Variants in CSMD1 observed in about 807,000 individuals in gnomAD.
CSMD1 encodes CUB and Sushi multiple domains 1, also known as CUB and sushi domain-containing protein 1.
A neutral mutation model predicts 417.5 loss-of-function variants in CSMD1; 213 were observed. That is an observed-to-expected ratio of 0.51 (90% CI 0.46 to 0.57). CSMD1 has a LOEUF of 0.57. Ranked by LOEUF, CSMD1 falls within the 20% of genes least tolerant of loss-of-function variation. CSMD1 has a pLI of 0.00. For missense variants in CSMD1, 6,923 were observed against 4,529.7 expected (o/e 1.53, Z -15.17); for synonymous variants, 2,862 against 1,736.8 (o/e 1.65, Z -16.11).
intron 2 of CSMD1, among the ~76,000 whole-genome samples, chr8:4,513,112 C>G (rs1376269158): frequency 6.6e-6 from 1 of 152,164 alleles, no homozygotes; most frequent in Non-Finnish European, 1.5e-5. Flanking sequence ...ATAAAATTGA[C>G]AACAGCAAGA....
chr8:3,590,769 C>G (rs1253806809), intron 8 of CSMD1, among the ~76,000 whole-genome samples: 1 of 152,150 alleles, frequency 6.6e-6, no homozygotes, highest in African/African-American at 2.4e-5. Context: ...GAGGAGGAGA[C>G]TCCACGTGGG....
intron 1 of CSMD1, among the ~76,000 whole-genome samples, chr8:4,988,400 T>C (rs1363660974): frequency 6.6e-6 from 1 of 152,224 alleles, no homozygotes; most frequent in Non-Finnish European, 1.5e-5. Flanking sequence ...ACCAGTAAAT[T>C]GCAAAATGTA....
intron 23 of CSMD1, among the ~76,000 whole-genome samples, chr8:3,326,243 G>C (rs985351675): frequency 6.6e-6 from 1 of 152,230 alleles, no homozygotes; most frequent in Non-Finnish European, 1.5e-5. Flanking sequence ...TAAACTGTAA[G>C]AGACTGGAAT....
At chr8:3,323,506 A>G (rs929725946) in intron 23 of CSMD1, among the ~76,000 whole-genome samples, 16 of 152,154 alleles carry the variant, frequency 1.1e-4, no homozygotes, top group Non-Finnish European at 1.9e-4. Context: ...CATTTTTAGA[A>G]GGAGTTAAAA....
At chr8:3,813,754 G>C (rs1278969339) in intron 5 of CSMD1, among the ~76,000 whole-genome samples, 1 of 152,128 alleles carries the variant, frequency 6.6e-6, no homozygotes, top group African/African-American at 2.4e-5. Context: ...AGGTATGAGG[G>C]ATCAAGAAGC....
At chr8:2,970,373 T>C (rs151291447) in intron 57 of CSMD1, among the ~76,000 whole-genome samples, 1,665 of 152,326 alleles carry the variant, frequency 0.011, 13 homozygotes, top group Non-Finnish European at 0.018. Context: ...ATAGAATATT[T>C]CATATTCCAC....
chr8:3,581,691 G>C (rs1322880302), intron 9 of CSMD1, among the ~76,000 whole-genome samples: 2 of 152,282 alleles, frequency 1.3e-5, no homozygotes, highest in East Asian at 3.9e-4. Flanking sequence ...GCATTTTATT[G>C]CATTTCATAG....
intron 41 of CSMD1, among the ~76,000 whole-genome samples, chr8:3,132,977 C>T (rs1817875349): frequency 6.6e-6 from 1 of 152,202 alleles, no homozygotes; most frequent in Non-Finnish European, 1.5e-5. Flanking sequence ...GGTGCCGCTC[C>T]GTTCACCTGG....
At position 4,169,141 on chromosome 8, in the gene CSMD1, C is replaced by CCCAG. The variant is rs1372375146; in HGVS notation, c.416-137046_416-137043dup. Among the ~76,000 whole-genome samples, 3 of 152,252 alleles carry CCCAG rather than the reference C, an allele frequency of 2.0e-5. No individual in the cohort carries two copies. The East Asian group carries it at 5.8e-4, about 29-fold the overall frequency. On this transcript the variant is annotated intron_variant, in intron 3 of 69. Transcript: ENST00000635120. Reference sequence around the variant, plus strand: ...CCCTGTAAGCTCACTGGTGGTGATGCCCAGCTTAATGGTGTAAACACCGTC... The same window carrying CCCAG: ...CCCTGTAAGCTCACTGGTGGTGATGCCCAGCCAGCTTAATGGTGTAAACACCGTC...
chr8:4,445,770 T>C (rs149984016), intron 2 of CSMD1, among the ~76,000 whole-genome samples: 126 of 152,278 alleles, frequency 8.3e-4, no homozygotes, highest in African/African-American at 2.9e-3. Context: ...GAATCTACAC[T>C]AAGAAATCAC....
intron 3 of CSMD1, among the ~76,000 whole-genome samples, chr8:4,208,910 A>G (rs993306641): frequency 2.0e-5 from 3 of 152,176 alleles, no homozygotes; most frequent in African/African-American, 4.8e-5. Context: ...CTTTTTATAT[A>G]TGCCCTGTAG....
At chr8:4,483,420 T>C (rs1801209739) in intron 2 of CSMD1, among the ~76,000 whole-genome samples, 2 of 152,326 alleles carry the variant, frequency 1.3e-5, no homozygotes, top group East Asian at 3.9e-4. Flanking sequence ...CATCTAAAGA[T>C]AAAAACAAGT....
intron 10 of CSMD1, among the ~76,000 whole-genome samples, chr8:3,536,108 T>C (rs1008371338): frequency 1.3e-5 from 2 of 152,238 alleles, no homozygotes; most frequent in African/African-American, 4.8e-5. Flanking sequence ...ATATTATCAT[T>C]GTTTTTATGA....
chr8:3,493,549 G>C (rs1796226996), intron 11 of CSMD1, 74 bp downstream of exon 11: 1 of 1,263,460 alleles, frequency 7.9e-7, no homozygotes, highest in Non-Finnish European at 1.1e-6. Flanking sequence ...CAAGCCTGTA[G>C]CAGAATCTCA....
At chr8:3,347,588 T>C (rs946316420) in intron 22 of CSMD1, among the ~76,000 whole-genome samples, 5 of 152,206 alleles carry the variant, frequency 3.3e-5, no homozygotes, top group African/African-American at 1.2e-4. Context: ...TTGGGGATCC[T>C]GCAACTTTTA....
chr8:4,929,275 C>T (rs1003004576), intron 1 of CSMD1, among the ~76,000 whole-genome samples: 4 of 152,224 alleles, frequency 2.6e-5, no homozygotes, highest in African/African-American at 4.8e-5. Flanking sequence ...CAGACACCGT[C>T]GTTGTGGACT....
intron 2 of CSMD1, among the ~76,000 whole-genome samples, chr8:4,515,428 C>T (rs188027187): frequency 6.6e-6 from 1 of 152,182 alleles, no homozygotes; most frequent in Admixed American, 6.5e-5. Flanking sequence ...TTGACAAAGT[C>T]AGGAACGCTT....
chr8:3,741,266 G>C (rs1796791074), intron 6 of CSMD1, among the ~76,000 whole-genome samples: 1 of 149,240 alleles, frequency 6.7e-6, no homozygotes, highest in Non-Finnish European at 1.5e-5. Context: ...AGGTAGAGGA[G>C]GTATGACTCC....
intron 3 of CSMD1, among the ~76,000 whole-genome samples, chr8:4,279,436 G>A (rs1441865394): frequency 1.3e-5 from 2 of 152,118 alleles, no homozygotes; most frequent in South Asian, 2.1e-4. Flanking sequence ...TATTGTCCTT[G>A]GATAAGATTC....
Sources: allele counts gnomAD v4.1 joint callset (sites outside exome capture counted in the v4.1 genomes callset), GRCh38; gene constraint gnomAD v4.1.1; transcripts MANE v1.5; gene names NCBI Gene and HGNC (gene_info 2026-07-23, HGNC 2026-07-21).